USP25: variants seen among roughly 807,000 people sequenced by gnomAD.
USP25 encodes ubiquitin specific peptidase 25.
In USP25, 85 loss-of-function variants were observed where a neutral mutation model predicts 158.5. The observed-to-expected ratio is 0.54, with a 90% CI of 0.45 to 0.64. The LOEUF (loss-of-function observed/expected upper bound fraction) is 0.64, where lower values mean the gene tolerates loss of function less well. Ranked by LOEUF, USP25 falls within the 30% of genes least tolerant of loss-of-function variation. The probability of loss-of-function intolerance (pLI) is 0.00; values close to 1 mark genes in which losing one functional copy is unlikely to be tolerated. For missense variants in USP25, 1,242 were observed against 1,327.3 expected, an observed-to-expected ratio of 0.94 and a Z score of 1.00; for synonymous variants, 464 against 460.4, an observed-to-expected ratio of 1.01 and a Z score of -0.10.
intron 1 of USP25, among the ~76,000 whole-genome samples, chr21:15,739,764 A>G (rs1240335555): frequency 6.6e-6 from 1 of 152,200 alleles, no homozygotes; most frequent in African/African-American, 2.4e-5. Context: ...TTGAAGGACC[A>G]AATTTGGCTT....
At chr21:15,823,223 A>G (rs1003264263) in intron 10 of USP25, among the ~76,000 whole-genome samples, 4 of 152,106 alleles carry the variant, frequency 2.6e-5, no homozygotes, top group African/African-American at 9.7e-5. Context: ...TTGTTGATTT[A>G]CATACAATCT....
At chr21:15,793,398 GTT>G (rs2035696515) in intron 5 of USP25, among the ~76,000 whole-genome samples, 1 of 148,574 alleles carries the variant, frequency 6.7e-6, no homozygotes, top group Admixed American at 6.7e-5. Context: ...GTTACAATCT[GTT>G]TCTACCCTAA....
intron 14 of USP25, among the ~76,000 whole-genome samples, chr21:15,827,422 AT>A (rs1295886073): frequency 6.6e-6 from 1 of 152,276 alleles, no homozygotes; most frequent in African/African-American, 2.4e-5. Context: ...TGCTTAGCTG[AT>A]TAATGACATA....
chr21:15,786,999 A>AT (rs1230946396), intron 4 of USP25, among the ~76,000 whole-genome samples: 1 of 152,098 alleles, frequency 6.6e-6, no homozygotes, highest in African/African-American at 2.4e-5. Flanking sequence ...TAAGAAAACA[A>AT]TTTCATTTAC....
intron 4 of USP25, among the ~76,000 whole-genome samples, chr21:15,787,917 A>C (rs2035383279): frequency 8.9e-6 from 1 of 112,862 alleles, no homozygotes; most frequent in Non-Finnish European, 1.9e-5. Flanking sequence ...CCCCCCAAGT[A>C]AAACCACCGT....
chr21:15,869,958 T>G, intron 22 of USP25, 110 bp from the exon 23 acceptor site: 1 of 737,878 alleles, frequency 1.4e-6, no homozygotes, highest in Non-Finnish European at 2.1e-6. Context: ...TTGAACTCTT[T>G]ATTTCTATTA....
chr21:15,731,515 T>C (rs2030900978), intron 1 of USP25, among the ~76,000 whole-genome samples: 1 of 152,232 alleles, frequency 6.6e-6, no homozygotes, highest in Admixed American at 6.5e-5. Flanking sequence ...TGTTCTAAAA[T>C]GGGCTGTCTA....
intron 1 of USP25, among the ~76,000 whole-genome samples, chr21:15,762,436 A>T (rs1024356983): frequency 3.9e-5 from 6 of 152,184 alleles, no homozygotes; most frequent in Non-Finnish European, 7.3e-5. Flanking sequence ...GACAGATTGG[A>T]CAGTGAAATG....
intron 1 of USP25, among the ~76,000 whole-genome samples, chr21:15,758,670 G>T (rs768946617): frequency 2.6e-5 from 4 of 151,960 alleles, no homozygotes; most frequent in Non-Finnish European, 4.4e-5. Context: ...TAAAGAAAAA[G>T]ATATTTAATA....
intron 1 of USP25, among the ~76,000 whole-genome samples, chr21:15,744,611 A>G (rs2032371239): frequency 7.5e-6 from 1 of 132,782 alleles, no homozygotes; most frequent in African/African-American, 3.2e-5. Context: ...GTTTTGGGGC[A>G]GAGCTTCGTT....
intron 16 of USP25, among the ~76,000 whole-genome samples, chr21:15,832,444 A>T (rs2037849223): frequency 6.6e-6 from 1 of 152,246 alleles, no homozygotes; most frequent in Admixed American, 6.5e-5. Flanking sequence ...CTGACTAAAA[A>T]AATGAAGTTA....
intron 20 of USP25, among the ~76,000 whole-genome samples, chr21:15,853,016 T>G (rs899723412): frequency 6.6e-6 from 1 of 152,204 alleles, no homozygotes; most frequent in Non-Finnish European, 1.5e-5. Context: ...TGCAGTTGTA[T>G]TCAGTAATAT....
At chr21:15,871,456 T>G (rs796278916) in intron 23 of USP25, among the ~76,000 whole-genome samples, 8 of 152,308 alleles carry the variant, frequency 5.3e-5, no homozygotes, top group African/African-American at 1.9e-4. Flanking sequence ...GAAATCAGAC[T>G]TCACAGAGAT....
intron 1 of USP25, among the ~76,000 whole-genome samples, chr21:15,756,185 C>T (rs192435786): frequency 1.1e-4 from 16 of 152,122 alleles, no homozygotes; most frequent in African/African-American, 3.9e-4. Context: ...TTAATCTTCT[C>T]TGGTTTATAT....
At chr21:15,797,835 A>T (rs1402174512) in intron 5 of USP25, among the ~76,000 whole-genome samples, 1 of 151,266 alleles carries the variant, frequency 6.6e-6, no homozygotes, top group Non-Finnish European at 1.5e-5. Flanking sequence ...GAGAGAGAGA[A>T]GGAGAGGGAG....
At chr21:15,795,381 T>C (rs184614397) in intron 5 of USP25, among the ~76,000 whole-genome samples, 1 of 151,822 alleles carries the variant, frequency 6.6e-6, no homozygotes, top group Admixed American at 6.6e-5. Context: ...TTTAATATTT[T>C]CTAAATGCTT....
intron 1 of USP25, among the ~76,000 whole-genome samples, chr21:15,735,897 T>C (rs1193545681): frequency 6.6e-6 from 1 of 152,118 alleles, no homozygotes; most frequent in African/African-American, 2.4e-5. Context: ...TAAATTTTTT[T>C]AGTTCTAGAA....
chr21:15,828,406 C>T (rs928008085), intron 14 of USP25, among the ~76,000 whole-genome samples: 1 of 152,050 alleles, frequency 6.6e-6, no homozygotes, highest in Admixed American at 6.5e-5. Context: ...TAAGTAGTGG[C>T]ATTGAGGGAG....
intron 9 of USP25, among the ~76,000 whole-genome samples, chr21:15,815,348 A>C (rs956900897): frequency 6.6e-6 from 1 of 152,180 alleles, no homozygotes; most frequent in African/African-American, 2.4e-5. Context: ...GAGAGTCCCT[A>C]CTGGGGCACC....
Sources: allele counts gnomAD v4.1 joint callset (sites outside exome capture counted in the v4.1 genomes callset), GRCh38; gene constraint gnomAD v4.1.1; transcripts MANE v1.5; gene names NCBI Gene and HGNC (gene_info 2026-07-23, HGNC 2026-07-21).